Variants in FER observed in about 807,000 individuals in gnomAD.
FER encodes the protein FER tyrosine kinase.
FER carries 63 observed loss-of-function variants against 111.0 expected under a neutral mutation model. The ratio of observed to expected loss-of-function variants is 0.57; its 90% CI spans 0.46 to 0.70. The LOEUF (loss-of-function observed/expected upper bound fraction) is 0.70. Ranked by LOEUF, FER falls within the 30% of genes least tolerant of loss-of-function variation. The pLI is 0.00. For synonymous variants in FER, 327 were observed against 313.9 expected, an observed-to-expected ratio of 1.04 and a Z score of -0.44; for missense variants, 914 against 954.0, an observed-to-expected ratio of 0.96 and a Z score of 0.55.
At chr5:108,876,480 A>C (rs1404577066) in intron 8 of FER, among the ~76,000 whole-genome samples, 3 of 152,190 alleles carry the variant, frequency 2.0e-5, no homozygotes, top group Non-Finnish European at 4.4e-5. Flanking sequence ...TGCCACACAT[A>C]TCAGTATACT....
chr5:109,170,623 G>A (rs1757007726), intron 17 of FER, among the ~76,000 whole-genome samples: 1 of 152,176 alleles, frequency 6.6e-6, no homozygotes, highest in African/African-American at 2.4e-5. Context: ...ACACATAATA[G>A]GTGTCAATCA....
chr5:108,977,631 T>C (rs1034256364), intron 13 of FER, among the ~76,000 whole-genome samples: 3 of 152,218 alleles, frequency 2.0e-5, no homozygotes, highest in Non-Finnish European at 2.9e-5. Context: ...GTTTTGGTCT[T>C]TGTTAACACT....
chr5:109,167,483 C>T (rs1027507876), intron 17 of FER, among the ~76,000 whole-genome samples: 2 of 152,164 alleles, frequency 1.3e-5, no homozygotes, highest in African/African-American at 4.8e-5. Flanking sequence ...CATCTCTTTT[C>T]TACACCATCA....
intron 16 of FER, among the ~76,000 whole-genome samples, chr5:109,062,521 G>A (rs1190355686): frequency 6.6e-6 from 1 of 151,606 alleles, no homozygotes; most frequent in Admixed American, 6.6e-5. Flanking sequence ...GTGAGAATCT[G>A]TCTCAAAAGA....
At chr5:108,830,637 T>C (rs1759946984) in intron 3 of FER, 1 of 152,196 alleles carries the variant, frequency 6.6e-6, no homozygotes, top group Admixed American at 6.5e-5. Context: ...TGTAATAGTC[T>C]AAGCCAGAGG....
At chr5:109,183,248 G>GTT (rs10682212) in intron 18 of FER, among the ~76,000 whole-genome samples, 14,533 of 115,456 alleles carry the variant, frequency 0.13, 1,841 homozygotes, top group African/African-American at 0.25. Flanking sequence ...ATCCTAGCGT[G>GTT]TTTTTTTTTT....
intron 17 of FER, among the ~76,000 whole-genome samples, chr5:109,147,843 A>G (rs369538993): frequency 6.6e-6 from 1 of 151,520 alleles, no homozygotes; most frequent in South Asian, 2.1e-4. Flanking sequence ...ACAGAGAAAT[A>G]CTAGTGAAAC....
At chr5:108,958,441 AT>A (rs1171638215) in intron 12 of FER, among the ~76,000 whole-genome samples, 2 of 151,712 alleles carry the variant, frequency 1.3e-5, no homozygotes, top group Non-Finnish European at 3.0e-5. Context: ...CCAATAGGGT[AT>A]TTTTGATTTG....
chr5:108,851,068 T>A (rs1466369930), intron 5 of FER, among the ~76,000 whole-genome samples: 1 of 152,238 alleles, frequency 6.6e-6, no homozygotes, highest in South Asian at 2.1e-4. Context: ...AGTTTATTTA[T>A]TCCCAGATAT....
chr5:108,824,501 A>G (rs10038120), intron 3 of FER, among the ~76,000 whole-genome samples: 1,787 of 152,174 alleles, frequency 0.012, 20 homozygotes, highest in Non-Finnish European at 0.017. Flanking sequence ...TTTCAGTGCA[A>G]AGACCTTTCA....
chr5:108,809,430 T>A (rs1280309681), intron 3 of FER, among the ~76,000 whole-genome samples: 1 of 152,254 alleles, frequency 6.6e-6, no homozygotes, highest in African/African-American at 2.4e-5. Flanking sequence ...CTCTGACTGA[T>A]TTCTCTTTAA....
At chr5:108,918,644 G>A (rs1013670564) in intron 10 of FER, among the ~76,000 whole-genome samples, 6 of 151,802 alleles carry the variant, frequency 4.0e-5, no homozygotes, top group Non-Finnish European at 1.5e-5. Flanking sequence ...CCGCCACCAC[G>A]CCTGGCTAAT....
intron 14 of FER, among the ~76,000 whole-genome samples, chr5:109,041,384 G>A (rs757804662): frequency 6.6e-6 from 1 of 151,842 alleles, no homozygotes; most frequent in South Asian, 2.1e-4. Flanking sequence ...AAAGAATGAC[G>A]TAAAAAGTGA....
intron 3 of FER, among the ~76,000 whole-genome samples, chr5:108,829,332 T>A (rs1198996241): frequency 6.6e-6 from 1 of 152,118 alleles, no homozygotes; most frequent in African/African-American, 2.4e-5. Context: ...TATTACCTAA[T>A]TCTGTGTTAA....
rs1759130778 is a variant in FER at position 109,188,543 on chromosome 5, A to AT, written c.*968_*969insT. The AT allele has an allele frequency of 6.6e-6, 1 of 152,040 alleles. No homozygotes were observed. Among genetic ancestry groups the AT allele is most frequent in the Non-Finnish European group, 1.5e-5 (1 of 68,032 alleles). The allele number at this position is 152,040 out of a possible 1,614,324, so 9.4% of individuals were successfully genotyped here. Reference sequence around the variant, plus strand: ...GAACAGAGCAGCTAAAGAATGATTAACAGAGTAAAGAAGAAAGTGAAAATA... The same window carrying AT: ...GAACAGAGCAGCTAAAGAATGATTAATCAGAGTAAAGAAGAAAGTGAAAATA... On this transcript the variant is annotated 3_prime_UTR_variant, in exon 20 of 20. Coordinates refer to ENST00000281092, the MANE Select transcript of FER (RefSeq NM_005246.4).
At chr5:108,831,317 T>G (rs181160371) in intron 3 of FER, among the ~76,000 whole-genome samples, 1 of 152,120 alleles carries the variant, frequency 6.6e-6, no homozygotes, top group Non-Finnish European at 1.5e-5. Context: ...TCTCCAACAC[T>G]GCATAGTTTG....
intron 17 of FER, among the ~76,000 whole-genome samples, chr5:109,131,423 T>C (rs931295934): frequency 6.6e-6 from 1 of 152,156 alleles, no homozygotes; most frequent in African/African-American, 2.4e-5. Context: ...TTTTTTCCCC[T>C]GTGATCTTCA....
chr5:108,967,759 CAAAA>C (rs774855414), intron 13 of FER, among the ~76,000 whole-genome samples: 3 of 34,452 alleles, frequency 8.7e-5, no homozygotes, highest in African/African-American at 2.1e-4. Context: ...GACTCCGTCT[CAAAA>C]AAAAAAAAAA....
Position 108,835,608 on chromosome 5 carries a change from A to G in FER, c.382-100A>G, listed in dbSNP as rs181343966. ...TATTAAAGGACAACTCTGACCTGTAAGTAGTGAAATACACATCAGTTAATA... is the reference window on the plus strand; with the variant it reads ...TATTAAAGGACAACTCTGACCTGTAGGTAGTGAAATACACATCAGTTAATA... On this transcript the variant is annotated intron_variant, in intron 4 of 19. Coordinates refer to ENST00000281092, the MANE Select transcript of FER (RefSeq NM_005246.4). The G allele has an allele frequency of 1.2e-4, 81 of 663,586 alleles. No homozygotes were observed. The East Asian group carries it at 2.2e-3, about 18-fold the overall frequency. 41.1% of individuals were successfully genotyped at this position (663,586 alleles called of 1,614,324 possible).
Sources: gnomAD v4.1 joint callset for allele counts (sites outside exome capture counted in the v4.1 genomes callset) on GRCh38, gnomAD v4.1.1 for gene constraint, MANE v1.5 for transcripts, NCBI Gene and HGNC (gene_info 2026-07-23, HGNC 2026-07-21) for gene names.